Variants in TEK observed in about 807,000 individuals in gnomAD.
TEK encodes the protein TEK receptor tyrosine kinase.
A neutral mutation model predicts 131.8 loss-of-function variants in TEK; 43 were observed. The observed-to-expected ratio is 0.33, with a 90% confidence interval of 0.26 to 0.42. The LOEUF (loss-of-function observed/expected upper bound fraction) is 0.42, where lower values mean the gene tolerates loss of function less well. Among genes scored for constraint, TEK ranks in the 10% least tolerant of loss-of-function variants. The pLI is 1.00. For missense variants in TEK, 1,162 were observed against 1,384.4 expected (o/e 0.84, Z 2.55); for synonymous variants, 580 against 491.6 (o/e 1.18, Z -2.38).
intron 4 of TEK, among the ~76,000 whole-genome samples, chr9:27,169,909 TTTCTC>T (rs1382445432): frequency 6.6e-6 from 1 of 152,204 alleles, no homozygotes; most frequent in African/African-American, 2.4e-5. Context: ...ATCATTTTCT[TTTCTC>T]AGGGCAAATC....
chr9:27,157,734 C>T, intron 1 of TEK, 97 bp from the exon 2 acceptor site: 1 of 1,391,462 alleles, frequency 7.2e-7, no homozygotes, highest in South Asian at 1.2e-5. Context: ...AAAGAATCCT[C>T]ACACAACTTT....
intron 7 of TEK, among the ~76,000 whole-genome samples, chr9:27,181,822 T>C (rs1268133561): frequency 2.0e-5 from 3 of 152,206 alleles, no homozygotes; most frequent in Non-Finnish European, 2.9e-5. Context: ...TAAATATGTA[T>C]TGCTTTTTCA....
intron 1 of TEK, among the ~76,000 whole-genome samples, chr9:27,141,181 G>GT (rs981513833): frequency 6.6e-6 from 1 of 151,780 alleles, no homozygotes; most frequent in African/African-American, 2.4e-5. Flanking sequence ...CTAACATATT[G>GT]TTTTATACTT....
At chr9:27,132,968 G>A (rs7029406) in intron 1 of TEK, among the ~76,000 whole-genome samples, 5,039 of 152,238 alleles carry the variant, frequency 0.033, 281 homozygotes, top group African/African-American at 0.11. Flanking sequence ...AATTGTACAT[G>A]TTCTGTTGTA....
chr9:27,120,203 C>T (rs1029830882), intron 1 of TEK, among the ~76,000 whole-genome samples: 7 of 152,176 alleles, frequency 4.6e-5, no homozygotes, highest in African/African-American at 1.7e-4. Context: ...GTTCTCAGTC[C>T]CACATACTAT....
rs1422639229 is a variant in TEK, at chr9:27,202,805, C to T, written c.1910-15C>T. Reference sequence around the variant, plus strand: ...AGTATATCTTAAGTGAATCTTTTTTCTTTTTAATTTCTAGTTCTTCCTCCT... The same window carrying T: ...AGTATATCTTAAGTGAATCTTTTTTTTTTTTAATTTCTAGTTCTTCCTCCT... On this transcript the variant is annotated splice_polypyrimidine_tract_variant and intron_variant, in intron 12 of 22. Transcript: ENST00000380036. 1 of 1,612,858 alleles carries T rather than the reference C, an allele frequency of 6.2e-7. No individual in the cohort carries two copies. The highest frequency in any genetic ancestry group is 1.3e-5 in the African/African-American group (1 of 74,994).
At position 27,155,538 on chromosome 9, in the gene TEK, C is replaced by A. The variant is rs1319748923; in HGVS notation, c.53-2293C>A. Among the ~76,000 whole-genome samples the A allele has an allele frequency of 3.3e-5, 5 of 152,258 alleles. No homozygotes were observed. In the East Asian group the frequency reaches 9.6e-4, roughly 29 times the overall value. On this transcript the variant is annotated intron_variant, in intron 1 of 22. Transcript: ENST00000380036. ...AAGGTTTAATTTGTACCAAGATTAT[C>A]CTCAAAACATCACTGAATACAGTAA...
chr9:27,200,037 T>A (rs534060421), intron 12 of TEK, among the ~76,000 whole-genome samples: 4 of 152,204 alleles, frequency 2.6e-5, no homozygotes, highest in Admixed American at 1.3e-4. Context: ...GGGTGCAGTA[T>A]ATTTTAATAT....
intron 11 of TEK, among the ~76,000 whole-genome samples, chr9:27,196,630 A>G (rs1051771792): frequency 6.6e-6 from 1 of 152,182 alleles, no homozygotes; most frequent in Admixed American, 6.5e-5. Flanking sequence ...ATGGTTCTGC[A>G]TGCCGTATAG....
At chr9:27,193,999 G>T (rs1190682263) in intron 11 of TEK, among the ~76,000 whole-genome samples, 1 of 151,996 alleles carries the variant, frequency 6.6e-6, no homozygotes. Flanking sequence ...GTAGAGACGG[G>T]GTCTTGCTTT....
intron 21 of TEK, among the ~76,000 whole-genome samples, chr9:27,225,522 A>G (rs137939303): frequency 2.8e-3 from 432 of 152,340 alleles, no homozygotes; most frequent in South Asian, 8.1e-3. Flanking sequence ...GGCGTTGGGA[A>G]AACTGGCTAG....
In TEK at chr9:27,111,208, C is replaced by A. The variant is rs76273081; in HGVS notation, c.52+1566C>A. Among the ~76,000 whole-genome samples the A allele has an allele frequency of 3.1e-3, 447 of 142,826 alleles. 14 individuals carry two copies. In the East Asian group the frequency reaches 0.081, roughly 26 times the overall value. The allele number at this position is 142,826 out of a possible 152,430, so 93.7% of individuals were successfully genotyped here. On this transcript the variant is annotated intron_variant, in intron 1 of 22. Transcript: ENST00000380036. ...CAGATCCCTGGAAAAAACAGCACTGCCTTTAAAAGGCAGAGGACCAAGGAG... is the reference window on the plus strand; with the variant it reads ...CAGATCCCTGGAAAAAACAGCACTGACTTTAAAAGGCAGAGGACCAAGGAG...
chr9:27,225,322 C>T (rs1240158044), intron 21 of TEK, among the ~76,000 whole-genome samples: 1 of 152,176 alleles, frequency 6.6e-6, no homozygotes, highest in Non-Finnish European at 1.5e-5. Context: ...AGGCATCAAG[C>T]TACCTGACTT....
At chr9:27,209,074 GA>G in intron 15 of TEK, 46 bp from the exon 16 acceptor site, 1 of 1,377,308 alleles carries the variant, frequency 7.3e-7, no homozygotes. Context: ...AGCTGATTCT[GA>G]AAAGGTGTAA....
chr9:27,118,373 G>T (rs1821649436), intron 1 of TEK, among the ~76,000 whole-genome samples: 1 of 152,226 alleles, frequency 6.6e-6, no homozygotes, highest in African/African-American at 2.4e-5. Context: ...GGTGGCTCGT[G>T]CTTGTAATCC....
intron 1 of TEK, among the ~76,000 whole-genome samples, chr9:27,120,440 C>A (rs947557067): frequency 6.6e-6 from 1 of 152,208 alleles, no homozygotes; most frequent in African/African-American, 2.4e-5. Flanking sequence ...TAGCCTGAGG[C>A]GAAAACATGG....
At chr9:27,115,113 G>A (rs1014776271) in intron 1 of TEK, among the ~76,000 whole-genome samples, 2 of 152,138 alleles carry the variant, frequency 1.3e-5, no homozygotes, top group African/African-American at 4.8e-5. Context: ...AGATATTACA[G>A]CAAATAAAGG....
intron 7 of TEK, among the ~76,000 whole-genome samples, chr9:27,182,368 T>G (rs1824412619): frequency 6.6e-6 from 1 of 152,168 alleles, no homozygotes; most frequent in Non-Finnish European, 1.5e-5. Flanking sequence ...AAAACATGTT[T>G]TTCAATTCCT....
intron 1 of TEK, among the ~76,000 whole-genome samples, chr9:27,126,245 T>G (rs1163021647): frequency 2.0e-5 from 3 of 152,196 alleles, no homozygotes. Context: ...ACCTAACACA[T>G]AAGTTTTCTC....
Sources: gnomAD v4.1 joint callset for allele counts (sites outside exome capture counted in the v4.1 genomes callset) on GRCh38, gnomAD v4.1.1 for gene constraint, MANE v1.5 for transcripts, NCBI Gene and HGNC (gene_info 2026-07-23, HGNC 2026-07-21) for gene names.